The following TTC6 variants were observed in gnomAD, a reference collection of about 807,000 sequenced individuals.
The protein encoded by TTC6 is tetratricopeptide repeat protein 6.
A neutral mutation model predicts 210.4 loss-of-function variants in TTC6; 172 were observed. That is an observed-to-expected ratio of 0.82 (90% CI 0.72 to 0.93). TTC6 has a LOEUF of 0.93. TTC6 is among the 40% of genes least tolerant of loss of function. The probability of loss-of-function intolerance (pLI) is 0.00; values close to 1 mark genes in which losing one functional copy is unlikely to be tolerated. For synonymous variants in TTC6, 804 were observed against 819.6 expected, an observed-to-expected ratio of 0.98 and a Z score of 0.32; for missense variants, 2,414 against 2,318.1, an observed-to-expected ratio of 1.04 and a Z score of -0.85.
At chr14:37,786,828 CT>C (rs1375759959) in intron 14 of TTC6, among the ~76,000 whole-genome samples, 1 of 152,094 alleles carries the variant, frequency 6.6e-6, no homozygotes, top group African/African-American at 2.4e-5. Context: ...TCTGTTTTTC[CT>C]TGTCATCTTT....
Position 37,725,312 on chromosome 14 carries a change from GTATATATATATATATATATATATA to G in TTC6, c.1818+333_1818+356del, listed in dbSNP as rs1169644241. On this transcript the variant is annotated intron_variant, in intron 7 of 30. Coordinates refer to ENST00000553443, the Ensembl canonical transcript of TTC6. ...TATATGTATGTATGTGTGTGTGTGT[GTATATATATATATATATATATATA>G]TATATATATATATATATATATAATT... Among the ~76,000 whole-genome samples, 106 of 33,920 alleles carry G rather than the reference GTATATATATATATATATATATATA, an allele frequency of 3.1e-3. 1 individual carries two copies. The highest frequency in any genetic ancestry group is 6.7e-3 in the Admixed American group (15 of 2,238). The allele number at this position is 33,920 out of a possible 152,430, so 22.3% of individuals were successfully genotyped here. A position where few individuals can be genotyped will look rare whatever the true frequency, so the allele number is the denominator to read the frequency against.
chr14:37,836,013 T>C (rs2096197090), intron 29 of TTC6, among the ~76,000 whole-genome samples: 1 of 152,164 alleles, frequency 6.6e-6, no homozygotes, highest in Non-Finnish European at 1.5e-5. Context: ...CCTCCTTCTT[T>C]CTTCTGAGCT....
At chr14:37,777,039 C>T (rs560096700) in intron 14 of TTC6, among the ~76,000 whole-genome samples, 1 of 152,172 alleles carries the variant, frequency 6.6e-6, no homozygotes, top group African/African-American at 2.4e-5. Context: ...TTTTTTCTGT[C>T]ATTTAGACCT....
At chr14:37,820,887 T>C (rs941790481) in intron 26 of TTC6, among the ~76,000 whole-genome samples, 2 of 148,850 alleles carry the variant, frequency 1.3e-5, no homozygotes, top group African/African-American at 5.0e-5. Context: ...TCCTCCTCCT[T>C]CTCCTCCTTC....
chr14:37,765,158 A>T (rs1476052352), intron 14 of TTC6, among the ~76,000 whole-genome samples: 1 of 151,800 alleles, frequency 6.6e-6, no homozygotes, highest in Non-Finnish European at 1.5e-5. Flanking sequence ...ACATCTTTAT[A>T]AATATTAAAA....
chr14:37,668,981 C>T (rs1174322511), intron 1 of TTC6, among the ~76,000 whole-genome samples: 1 of 152,082 alleles, frequency 6.6e-6, no homozygotes, highest in African/African-American at 2.4e-5. Context: ...ACAGCCTTTC[C>T]ATACCACCTA....
At chr14:37,798,759 C>A (rs573663296) in intron 20 of TTC6, among the ~76,000 whole-genome samples, 7 of 152,136 alleles carry the variant, frequency 4.6e-5, no homozygotes, top group African/African-American at 1.7e-4. Flanking sequence ...ATAAAGATTA[C>A]ATAATCTTTC....
intron 6 of TTC6, among the ~76,000 whole-genome samples, chr14:37,718,322 G>T (rs945412734): frequency 6.6e-6 from 1 of 152,100 alleles, no homozygotes; most frequent in African/African-American, 2.4e-5. Flanking sequence ...AAAATTGCAT[G>T]ATCATATTAA....
intron 7 of TTC6, among the ~76,000 whole-genome samples, chr14:37,735,387 G>A (rs1445678461): frequency 6.6e-6 from 1 of 152,128 alleles, no homozygotes; most frequent in Non-Finnish European, 1.5e-5. Context: ...AGATAGAGAA[G>A]TAGCACATTT....
At chr14:37,743,396 G>C (rs1157743420) in intron 10 of TTC6, among the ~76,000 whole-genome samples, 2 of 152,098 alleles carry the variant, frequency 1.3e-5, no homozygotes, top group African/African-American at 2.4e-5. Context: ...TACATAGCAA[G>C]ATCTTGTTTC....
intron 14 of TTC6, among the ~76,000 whole-genome samples, chr14:37,768,317 GT>G (rs1167169555): frequency 2.0e-5 from 3 of 151,430 alleles, no homozygotes; most frequent in Non-Finnish European, 4.4e-5. Context: ...CTTTAAAGTA[GT>G]TTTTTCCAAT....
intron 23 of TTC6, among the ~76,000 whole-genome samples, chr14:37,808,283 G>T (rs988411518): frequency 2.6e-5 from 4 of 152,246 alleles, no homozygotes; most frequent in Non-Finnish European, 5.9e-5. Context: ...GTGATATAAG[G>T]TATCAGAGAA....
intron 8 of TTC6, among the ~76,000 whole-genome samples, chr14:37,737,052 C>A (rs2095903583): frequency 6.6e-6 from 1 of 152,160 alleles, no homozygotes; most frequent in African/African-American, 2.4e-5. Context: ...GCCACTGGAT[C>A]TGGTCTAGAT....
intron 2 of TTC6, among the ~76,000 whole-genome samples, chr14:37,616,242 T>C (rs2095642458): frequency 6.6e-6 from 1 of 152,196 alleles, no homozygotes; most frequent in Non-Finnish European, 1.5e-5. Context: ...AATTTCTCTC[T>C]CACTTCTCAG....
chr14:37,795,030 T>C (rs906369445), intron 17 of TTC6, among the ~76,000 whole-genome samples: 6 of 152,182 alleles, frequency 3.9e-5, no homozygotes, highest in African/African-American at 1.4e-4. Context: ...AAATAGTATA[T>C]GTAGATATGT....
intron 1 of TTC6, among the ~76,000 whole-genome samples, chr14:37,663,724 T>C (rs1243417891): frequency 6.6e-6 from 1 of 152,030 alleles, no homozygotes; most frequent in Non-Finnish European, 1.5e-5. Context: ...GGAGGTCATG[T>C]TCCCAAATCA....
chr14:37,621,968 T>C, upstream of TTC6: 4 of 918,980 alleles, frequency 4.4e-6, no homozygotes, highest in East Asian at 2.8e-5. Flanking sequence ...TTTGCTGAGC[T>C]GAAATTTTAT....
intron 10 of TTC6, among the ~76,000 whole-genome samples, chr14:37,741,160 T>C (rs749152071): frequency 8.5e-5 from 13 of 152,124 alleles, no homozygotes; most frequent in Non-Finnish European, 1.8e-4. Flanking sequence ...TAAAAAAATC[T>C]TAATTCAAAC....
chr14:37,805,119 G>A (rs888240781), intron 21 of TTC6, among the ~76,000 whole-genome samples: 5 of 152,090 alleles, frequency 3.3e-5, no homozygotes, highest in African/African-American at 1.2e-4. Flanking sequence ...AGTAGTATGA[G>A]TTCACTTATT....
Sources: gnomAD v4.1 joint callset for allele counts (sites outside exome capture counted in the v4.1 genomes callset) on GRCh38, gnomAD v4.1.1 for gene constraint, MANE v1.5 for transcripts, NCBI Gene and HGNC (gene_info 2026-07-23, HGNC 2026-07-21) for gene names.